Variants in NPSR1 observed in about 807,000 individuals in gnomAD.
NPSR1 encodes neuropeptide S receptor.
Under a neutral mutation model 46.9 loss-of-function variants are expected in NPSR1, and 48 were observed. The ratio of observed to expected loss-of-function variants is 1.02; its 90% CI spans 0.81 to 1.30. NPSR1 has a LOEUF of 1.30. Ranked by LOEUF, NPSR1 falls within the 50% of genes most tolerant of loss-of-function variation. NPSR1 has a pLI of 0.00. For synonymous variants in NPSR1, 176 were observed against 168.1 expected (o/e 1.05, Z -0.36); for missense variants, 450 against 449.5 (o/e 1.00, Z -0.01).
rs150032876 is a variant in NPSR1, at chr7:34,683,696, A to T, written c.148-856A>T. 4.2e-3 allele frequency among the ~76,000 whole-genome samples: 644 copies of T among 152,158 alleles called. 2 individuals carry two copies. Among genetic ancestry groups the T allele is most frequent in the African/African-American group, 0.015 (609 of 41,496 alleles). The stretch of plus-strand genomic sequence containing the variant: ...AAAGTGAGAGGGTGAGAGAGGGACA[A>T]GGGAGGGGAACTGAACTCATTCCTT... On this transcript the variant is annotated intron_variant, in intron 1 of 8. Transcript: ENST00000360581.
intron 1 of NPSR1, 55 bp from the exon 2 acceptor site, chr7:34,684,497 A>G: frequency 1.3e-6 from 2 of 1,576,814 alleles, no homozygotes; most frequent in Admixed American, 3.6e-5. Context: ...GGCATTCTGT[A>G]AAGAACTCCA....
At chr7:34,660,740 T>C (rs2530554) in intron 1 of NPSR1, among the ~76,000 whole-genome samples, 46,049 of 152,066 alleles carry the variant, frequency 0.3, 8,679 homozygotes, top group African/African-American at 0.54. Flanking sequence ...TCACAATCCA[T>C]GGTGTATCTT....
chr7:34,875,762 C>A (rs1415237644), intron 8 of NPSR1, among the ~76,000 whole-genome samples: 2 of 152,080 alleles, frequency 1.3e-5, no homozygotes, highest in African/African-American at 4.8e-5. Flanking sequence ...GAATGACATA[C>A]CCAATTCTAT....
chr7:34,770,496 G>A (rs1786629621), intron 2 of NPSR1, among the ~76,000 whole-genome samples: 1 of 152,158 alleles, frequency 6.6e-6, no homozygotes, highest in African/African-American at 2.4e-5. Flanking sequence ...GACTCAGAGG[G>A]TCACATAACA....
intron 1 of NPSR1, among the ~76,000 whole-genome samples, chr7:34,676,496 A>T (rs568435320): frequency 2.0e-5 from 3 of 152,204 alleles, no homozygotes; most frequent in African/African-American, 4.8e-5. Context: ...TCTCCAGATT[A>T]TCCTGGGATT....
At chr7:34,693,465 G>C (rs1437573658) in intron 2 of NPSR1, among the ~76,000 whole-genome samples, 1 of 152,028 alleles carries the variant, frequency 6.6e-6, no homozygotes, top group Non-Finnish European at 1.5e-5. Context: ...ATCCTGAATA[G>C]ACCAATAGCA....
intron 2 of NPSR1, among the ~76,000 whole-genome samples, chr7:34,775,253 A>C (rs1463497812): frequency 6.6e-6 from 1 of 152,220 alleles, no homozygotes; most frequent in Non-Finnish European, 1.5e-5. Context: ...CCATGGGCAA[A>C]GCAGAAAACG....
intron 8 of NPSR1, among the ~76,000 whole-genome samples, chr7:34,868,313 C>T (rs1055924351): frequency 6.6e-6 from 1 of 151,656 alleles, no homozygotes; most frequent in Non-Finnish European, 1.5e-5. Flanking sequence ...CTGCACCACA[C>T]AACACTCTGT....
chr7:34,663,042 T>TCTCTCTCTCC (rs1791537618), intron 1 of NPSR1, among the ~76,000 whole-genome samples: 1 of 47,622 alleles, frequency 2.1e-5, no homozygotes, highest in Admixed American at 1.9e-4. Flanking sequence ...GTAGTGCATT[T>TCTCTCTCTCC]CTCTCTCTCT....
chr7:34,735,332 G>T (rs1784620868), intron 2 of NPSR1, among the ~76,000 whole-genome samples: 1 of 152,126 alleles, frequency 6.6e-6, no homozygotes, highest in African/African-American at 2.4e-5. Context: ...GACCATGCTG[G>T]AGAAGAGACC....
At chr7:34,750,607 A>C in intron 2 of NPSR1, 1 of 684,470 alleles carries the variant, frequency 1.5e-6, no homozygotes, top group Non-Finnish European at 2.7e-6. Context: ...GCTCAAATTC[A>C]TCTATTATAG....
chr7:34,663,994 CA>C (rs1180082749), intron 1 of NPSR1, among the ~76,000 whole-genome samples: 2 of 152,216 alleles, frequency 1.3e-5, no homozygotes, highest in Non-Finnish European at 2.9e-5. Flanking sequence ...TCATGCTTGA[CA>C]ATGTCATTCT....
chr7:34,706,065 A>G (rs1422711911), intron 2 of NPSR1, among the ~76,000 whole-genome samples: 2 of 151,910 alleles, frequency 1.3e-5, no homozygotes, highest in Admixed American at 1.3e-4. Context: ...TCAAATCTCC[A>G]TAGATGTTGC....
rs180737945 is a variant in NPSR1 at position 34,707,794 on chromosome 7, A to T, written c.280+23110A>T. ...CCCAAGGCTGGTTATAGGATGCTGTATTAGTTTGCTGGGACTGCCGTAACA... is the reference window on the plus strand; with the variant it reads ...CCCAAGGCTGGTTATAGGATGCTGTTTTAGTTTGCTGGGACTGCCGTAACA... On this transcript the variant is annotated intron_variant, in intron 2 of 8. Coordinates refer to ENST00000360581, the MANE Select transcript of NPSR1 (RefSeq NM_207172.2). Among the ~76,000 whole-genome samples, 202 of 152,328 alleles carry T rather than the reference A, an allele frequency of 1.3e-3. 3 individuals are homozygous for T. Among genetic ancestry groups the T allele is most frequent in the Non-Finnish European group, 3.5e-4 (24 of 68,036 alleles).
chr7:34,731,675 G>A (rs938398090), intron 2 of NPSR1, among the ~76,000 whole-genome samples: 7 of 152,170 alleles, frequency 4.6e-5, no homozygotes, highest in African/African-American at 1.7e-4. Flanking sequence ...TAGGTAAGTT[G>A]CATCTTTCAG....
At chr7:34,705,549 A>G (rs1794063114) in intron 2 of NPSR1, among the ~76,000 whole-genome samples, 1 of 151,858 alleles carries the variant, frequency 6.6e-6, no homozygotes, top group Admixed American at 6.6e-5. Context: ...TTTGGTTCCT[A>G]AAGGCTCCTG....
At chr7:34,806,056 C>T (rs1788685803) in intron 3 of NPSR1, among the ~76,000 whole-genome samples, 1 of 151,928 alleles carries the variant, frequency 6.6e-6, no homozygotes, top group South Asian at 2.1e-4. Flanking sequence ...TGAATATTAA[C>T]AGGAACTTTC....
rs192751629 is a variant in NPSR1, at chr7:34,684,783, A to T, written c.280+99A>T. 3,698 of 981,560 alleles carry T rather than the reference A, an allele frequency of 3.8e-3. 14 individuals are homozygous for T. Among genetic ancestry groups the T allele is most frequent in the Non-Finnish European group, 4.7e-3 (3,261 of 688,212 alleles). 60.8% of individuals were successfully genotyped at this position (981,560 alleles called of 1,614,324 possible). A position where few individuals can be genotyped will look rare whatever the true frequency, so the allele number is the denominator to read the frequency against. On this transcript the variant is annotated intron_variant, in intron 2 of 8. Transcript: ENST00000360581. ...TATCAAAAAAAAAAAAATGTAACGC[A>T]TCGGTCAATTTGGGAATAATTTCTG...
intron 2 of NPSR1, among the ~76,000 whole-genome samples, chr7:34,723,055 T>C (rs1783944558): frequency 6.6e-6 from 1 of 152,150 alleles, no homozygotes; most frequent in African/African-American, 2.4e-5. Context: ...AAGAAAGCAC[T>C]GCTCCCTCTG....
Sources: allele counts gnomAD v4.1 joint callset (sites outside exome capture counted in the v4.1 genomes callset), GRCh38; gene constraint gnomAD v4.1.1; transcripts MANE v1.5; gene names NCBI Gene and HGNC (gene_info 2026-07-23, HGNC 2026-07-21).